ADAMTSL1: variants seen among roughly 807,000 people sequenced by gnomAD.
The protein encoded by ADAMTSL1 is ADAMTS-like protein 1.
A neutral mutation model predicts 201.8 loss-of-function variants in ADAMTSL1; 126 were observed. The ratio of observed to expected loss-of-function variants is 0.62; its 90% CI spans 0.54 to 0.72. The LOEUF (loss-of-function observed/expected upper bound fraction) is 0.72, where lower values mean the gene tolerates loss of function less well. Ranked by LOEUF, ADAMTSL1 falls within the 30% of genes least tolerant of loss-of-function variation. The pLI is 0.00. For missense variants in ADAMTSL1, 2,679 were observed against 2,277.8 expected (o/e 1.18, Z -3.59); for synonymous variants, 1,121 against 903.4 (o/e 1.24, Z -4.32).
intron 13 of ADAMTSL1, among the ~76,000 whole-genome samples, chr9:18,686,011 C>T (rs1830809654): frequency 6.6e-6 from 1 of 151,960 alleles, no homozygotes; most frequent in African/African-American, 2.4e-5. Context: ...TTTCACCTGC[C>T]AGGCTCAATG....
chr9:18,334,316 G>A (rs1835144813), intron 2 of ADAMTSL1, among the ~76,000 whole-genome samples: 1 of 152,154 alleles, frequency 6.6e-6, no homozygotes, highest in Non-Finnish European at 1.5e-5. Context: ...ACCCTAAACA[G>A]AGAGATGGCT....
chr9:18,904,492 A>G (rs1830181711), intron 26 of ADAMTSL1, among the ~76,000 whole-genome samples: 1 of 151,782 alleles, frequency 6.6e-6, no homozygotes, highest in Non-Finnish European at 1.5e-5. Flanking sequence ...AGTTATTTTT[A>G]AAAATACGGT....
At chr9:18,410,909 T>C (rs1818411398) in intron 2 of ADAMTSL1, among the ~76,000 whole-genome samples, 1 of 151,510 alleles carries the variant, frequency 6.6e-6, no homozygotes, top group South Asian at 2.1e-4. Context: ...TGGTGCAATC[T>C]TGTCTTACTG....
chr9:18,717,430 A>T (rs1833020347), intron 14 of ADAMTSL1, among the ~76,000 whole-genome samples: 2 of 152,068 alleles, frequency 1.3e-5, no homozygotes, highest in Non-Finnish European at 1.5e-5. Context: ...AAACATTTTT[A>T]AAAACTATAT....
intron 20 of ADAMTSL1, among the ~76,000 whole-genome samples, chr9:18,811,213 C>T (rs930763167): frequency 6.6e-6 from 1 of 152,102 alleles, no homozygotes; most frequent in African/African-American, 2.4e-5. Context: ...TCCCCACCAG[C>T]CAGCCTCAAA....
At chr9:18,305,942 A>T (rs561703741) in intron 2 of ADAMTSL1, among the ~76,000 whole-genome samples, 1 of 152,016 alleles carries the variant, frequency 6.6e-6, no homozygotes, top group African/African-American at 2.4e-5. Context: ...CTCAATAGAC[A>T]CCTCATACAG....
intron 2 of ADAMTSL1, among the ~76,000 whole-genome samples, chr9:18,332,497 C>T (rs1835072429): frequency 6.6e-6 from 1 of 152,184 alleles, no homozygotes; most frequent in Middle Eastern, 3.4e-3. Flanking sequence ...CTCACTCAGG[C>T]TGGAATATAG....
intron 3 of ADAMTSL1, among the ~76,000 whole-genome samples, chr9:18,556,511 G>A (rs906594899): frequency 6.6e-6 from 1 of 151,986 alleles, no homozygotes; most frequent in African/African-American, 2.4e-5. Context: ...ATAGGAAGAA[G>A]AAAGGAAAAT....
chr9:18,702,628 T>C (rs1416160379), intron 13 of ADAMTSL1, among the ~76,000 whole-genome samples: 1 of 152,252 alleles, frequency 6.6e-6, no homozygotes, highest in African/African-American at 2.4e-5. Context: ...TGGTTTGTTG[T>C]TGTTTTAATT....
chr9:18,349,700 G>A (rs1835879022), intron 2 of ADAMTSL1, among the ~76,000 whole-genome samples: 1 of 151,974 alleles, frequency 6.6e-6, no homozygotes, highest in Non-Finnish European at 1.5e-5. Context: ...ATTTCCATCG[G>A]GCTGGAATCT....
intron 1 of ADAMTSL1, among the ~76,000 whole-genome samples, chr9:18,129,765 G>C (rs750188707): frequency 1.3e-5 from 2 of 152,190 alleles, no homozygotes; most frequent in Non-Finnish European, 2.9e-5. Flanking sequence ...CTGTAACGCT[G>C]AGAGTCAGAA....
chr9:18,126,470 A>G (rs149483746), intron 1 of ADAMTSL1, among the ~76,000 whole-genome samples: 5 of 152,290 alleles, frequency 3.3e-5, no homozygotes, highest in African/African-American at 1.2e-4. Flanking sequence ...CGTTGTCTTT[A>G]TCACACTGTA....
intron 15 of ADAMTSL1, among the ~76,000 whole-genome samples, chr9:18,724,846 T>A (rs1817770229): frequency 6.6e-6 from 1 of 152,120 alleles, no homozygotes; most frequent in African/African-American, 2.4e-5. Flanking sequence ...ATGCTGTTGA[T>A]CCTTTCCTTA....
At chr9:17,991,396 G>C (rs942303566) in intron 1 of ADAMTSL1, among the ~76,000 whole-genome samples, 2 of 152,096 alleles carry the variant, frequency 1.3e-5, no homozygotes, top group African/African-American at 4.8e-5. Context: ...GGTCTGAAAA[G>C]TACCTGGTAA....
chr9:18,259,456 A>G (rs1831827137), intron 2 of ADAMTSL1, among the ~76,000 whole-genome samples: 1 of 151,854 alleles, frequency 6.6e-6, no homozygotes, highest in African/African-American at 2.4e-5. Flanking sequence ...AGGTTGCAGT[A>G]AGCTAATATC....
intron 13 of ADAMTSL1, among the ~76,000 whole-genome samples, chr9:18,700,337 T>C (rs1253774074): frequency 6.6e-6 from 1 of 152,162 alleles, no homozygotes; most frequent in Non-Finnish European, 1.5e-5. Flanking sequence ...TTGAGAGGCA[T>C]TAAATAACTA....
At chr9:18,108,860 A>G (rs561039835) in intron 1 of ADAMTSL1, among the ~76,000 whole-genome samples, 7 of 152,260 alleles carry the variant, frequency 4.6e-5, no homozygotes, top group Non-Finnish European at 1.0e-4. Flanking sequence ...TCATCAGAAT[A>G]CATGTCGTAG....
intron 1 of ADAMTSL1, among the ~76,000 whole-genome samples, chr9:18,113,981 T>C (rs1825142356): frequency 1.3e-5 from 2 of 151,678 alleles, no homozygotes; most frequent in Admixed American, 6.6e-5. Flanking sequence ...AAGAGAGAAA[T>C]AAAACACAAA....
intron 2 of ADAMTSL1, among the ~76,000 whole-genome samples, chr9:18,384,023 A>G (rs766013852): frequency 6.6e-6 from 1 of 152,146 alleles, no homozygotes; most frequent in Non-Finnish European, 1.5e-5. Flanking sequence ...GAGGCTTTAC[A>G]TTACCAAATG....
Sources: gnomAD v4.1 joint callset for allele counts (sites outside exome capture counted in the v4.1 genomes callset) on GRCh38, gnomAD v4.1.1 for gene constraint, MANE v1.5 for transcripts, NCBI Gene and HGNC (gene_info 2026-07-23, HGNC 2026-07-21) for gene names.